Variants in C10orf53 observed in about 807,000 individuals in gnomAD.
C10orf53 encodes chromosome 10 open reading frame 53, also known as UPF0728 protein C10orf53.
C10orf53 carries 8 observed loss-of-function variants against 9.4 expected under a neutral mutation model. The observed-to-expected ratio is 0.85, with a 90% CI of 0.50 to 1.53. The LOEUF is 1.53. C10orf53 is among the 40% of genes most tolerant of loss of function. The pLI is 0.00. For missense variants in C10orf53, 117 were observed against 117.8 expected (o/e 0.99, Z 0.03); for synonymous variants, 48 against 46.0 (o/e 1.04, Z -0.18).
rs1840557488 is a variant in C10orf53, at chr10:49,689,109, G to A, written c.98-4665G>A. Reference sequence around the variant, plus strand: ...AAACATTAGTTAAGAAAATCAACCTGCGTAAAGCCGAATGCTAGAACCACA... The same window carrying A: ...AAACATTAGTTAAGAAAATCAACCTACGTAAAGCCGAATGCTAGAACCACA... On this transcript the variant is annotated intron_variant, in intron 1 of 2. Coordinates refer to ENST00000374111, the MANE Select transcript of C10orf53 (RefSeq NM_001042427.3). 3.9e-5 allele frequency among the ~76,000 whole-genome samples: 6 copies of A among 152,156 alleles called. No individual in the cohort carries two copies. The South Asian group carries it at 1.2e-3, about 32-fold the overall frequency.
intron 1 of C10orf53, among the ~76,000 whole-genome samples, chr10:49,690,820 C>T (rs1174744780): frequency 1.3e-5 from 2 of 152,158 alleles, no homozygotes; most frequent in Non-Finnish European, 2.9e-5. Flanking sequence ...GGCCCTTGCG[C>T]GGGGGTGTGT....
chr10:49,704,658 T>G (rs1454862927), intron 2 of C10orf53, among the ~76,000 whole-genome samples: 1 of 152,156 alleles, frequency 6.6e-6, no homozygotes, highest in Non-Finnish European at 1.5e-5. Context: ...GTGGGAGAAT[T>G]GCTTGAACCC....
intron 2 of C10orf53, among the ~76,000 whole-genome samples, chr10:49,705,728 C>T (rs2132892985): frequency 6.6e-6 from 1 of 151,848 alleles, no homozygotes; most frequent in African/African-American, 2.4e-5. Flanking sequence ...GCAAATGTTT[C>T]TTATATATTA....
downstream of C10orf53, among the ~76,000 whole-genome samples, chr10:49,699,188 A>ATTT (rs1210027084): frequency 2.7e-4 from 13 of 47,768 alleles, no homozygotes; most frequent in South Asian, 9.9e-4. Flanking sequence ...TGGTGGCTCA[A>ATTT]TCTTTTTTTT....
intron 1 of C10orf53, among the ~76,000 whole-genome samples, chr10:49,683,740 A>C (rs541015708): frequency 1.3e-5 from 2 of 152,214 alleles, no homozygotes; most frequent in South Asian, 4.2e-4. Flanking sequence ...TATAGAAAAC[A>C]CAAAAATTAG....
chr10:49,684,777 G>A (rs567708581), intron 1 of C10orf53, among the ~76,000 whole-genome samples: 1 of 152,110 alleles, frequency 6.6e-6, no homozygotes, highest in South Asian at 2.1e-4. Context: ...GCAGTTTTGG[G>A]GTATAAGATT....
chr10:49,697,553 CTTAA>C (rs1840646473), downstream of C10orf53, among the ~76,000 whole-genome samples: 1 of 152,142 alleles, frequency 6.6e-6, no homozygotes, highest in Admixed American at 6.6e-5. Flanking sequence ...ATAGCTGTGT[CTTAA>C]TTTTTTTTGT....
intron 1 of C10orf53, among the ~76,000 whole-genome samples, chr10:49,691,957 G>C (rs911010691): frequency 4.6e-5 from 7 of 152,200 alleles, no homozygotes; most frequent in Non-Finnish European, 1.0e-4. Flanking sequence ...AAGTTGTTTT[G>C]CTCCTGATTT....
chr10:49,693,741 C>T, intron 1 of C10orf53, 33 bp from the exon 2 acceptor site: 3 of 1,606,470 alleles, frequency 1.9e-6, no homozygotes, highest in Non-Finnish European at 2.6e-6. Flanking sequence ...AGTCTGACCC[C>T]ATGTCACTCA....
At chr10:49,694,112 T>C (rs1840611856) in intron 2 of C10orf53, 1 of 640,902 alleles carries the variant, frequency 1.6e-6, no homozygotes, top group Admixed American at 3.2e-5. Flanking sequence ...CCCCAAACAT[T>C]GGAAACAGGA....
intron 1 of C10orf53, among the ~76,000 whole-genome samples, chr10:49,686,935 A>C (rs1338679323): frequency 6.6e-6 from 1 of 152,220 alleles, no homozygotes; most frequent in Non-Finnish European, 1.5e-5. Flanking sequence ...CCAGAGTCCC[A>C]TACTGGGAAC....
intron 1 of C10orf53, among the ~76,000 whole-genome samples, chr10:49,681,841 T>G (rs900191416): frequency 6.6e-6 from 1 of 152,194 alleles, no homozygotes; most frequent in Non-Finnish European, 1.5e-5. Flanking sequence ...TCATTTAACC[T>G]TAATTACCTC....
chr10:49,705,838 A>G (rs1192218171), intron 2 of C10orf53, among the ~76,000 whole-genome samples: 1 of 152,202 alleles, frequency 6.6e-6, no homozygotes, highest in African/African-American at 2.4e-5. Context: ...CGAAAAAATA[A>G]CTCACAAAAT....
At chr10:49,688,363 C>T (rs1840549081) in intron 1 of C10orf53, among the ~76,000 whole-genome samples, 1 of 152,126 alleles carries the variant, frequency 6.6e-6, no homozygotes, top group African/African-American at 2.4e-5. Context: ...TCTTAGGCCT[C>T]CTGACTACCC....
At chr10:49,697,674 C>T (rs904617279), downstream of C10orf53, among the ~76,000 whole-genome samples, 3 of 152,130 alleles carry the variant, frequency 2.0e-5, no homozygotes, top group African/African-American at 7.2e-5. Flanking sequence ...GCCTCAGCCT[C>T]CTGAACAGCT....
intron 2 of C10orf53, among the ~76,000 whole-genome samples, chr10:49,704,598 G>A (rs1299457447): frequency 6.6e-6 from 1 of 152,074 alleles, no homozygotes; most frequent in African/African-American, 2.4e-5. Context: ...AAAAAAATTA[G>A]CTAGGCATGG....
intron 2 of C10orf53, among the ~76,000 whole-genome samples, chr10:49,704,795 C>CT (rs1280519377): frequency 1.3e-5 from 2 of 152,110 alleles, no homozygotes; most frequent in Non-Finnish European, 2.9e-5. Context: ...TTATAGGACT[C>CT]TGTGTTGGTA....
At chr10:49,705,152 C>A (rs1214535539) in intron 2 of C10orf53, among the ~76,000 whole-genome samples, 4 of 151,712 alleles carry the variant, frequency 2.6e-5, no homozygotes, top group African/African-American at 9.7e-5. Context: ...TTGCTAAGGT[C>A]AAAAAAGTAT....
chr10:49,698,258 C>T (rs936028893), downstream of C10orf53, among the ~76,000 whole-genome samples: 1 of 152,198 alleles, frequency 6.6e-6, no homozygotes, highest in African/African-American at 2.4e-5. Context: ...CCACTGCACT[C>T]CAGCCTGGGT....
Sources: allele counts gnomAD v4.1 joint callset (sites outside exome capture counted in the v4.1 genomes callset), GRCh38; gene constraint gnomAD v4.1.1; transcripts MANE v1.5; gene names NCBI Gene and HGNC (gene_info 2026-07-23, HGNC 2026-07-21).